MEIKIN: variants seen among roughly 807,000 people sequenced by gnomAD.
The protein encoded by MEIKIN is meiosis-specific kinetochore protein.
At chr5:131,898,786 A>G (rs954437352) in intron 8 of MEIKIN, among the ~76,000 whole-genome samples, 3 of 152,224 alleles carry the variant, frequency 2.0e-5, no homozygotes, top group African/African-American at 2.4e-5. Flanking sequence ...TGGGAAAAGC[A>G]CAGTATTTGG....
At chr5:131,852,233 T>C (rs754331197) in intron 10 of MEIKIN, among the ~76,000 whole-genome samples, 26 of 152,044 alleles carry the variant, frequency 1.7e-4, no homozygotes, top group Non-Finnish European at 2.9e-4. Context: ...CTCCATACTG[T>C]TCTGATGATA....
Position 131,851,268 on chromosome 5 carries a change from T to C in MEIKIN, c.971A>G (p.Asn324Ser). 2.5e-6 allele frequency: 1 copy of C among 398,076 alleles called. No individual in the cohort carries two copies. The highest frequency in any genetic ancestry group is 4.4e-6 in the Non-Finnish European group (1 of 225,424). 24.7% of individuals were successfully genotyped at this position (398,076 alleles called of 1,614,324 possible). A position where few individuals can be genotyped will look rare whatever the true frequency, so the allele number is the denominator to read the frequency against. Residue 324 changes from asparagine (N) to serine (S), a missense_variant, in exon 11 of 13, where the codon AAT (asparagine) becomes AGT (serine). Coordinates refer to ENST00000442687, the MANE Select transcript of MEIKIN (RefSeq NM_001303622.2). ...PVSSLQENSS[N>S]EFPANASEIC... is the part of the protein sequence containing the mutation. ...AGGAAAAATGGAAAATACTACCTCA[T>C]TTGAAGAATTTTCCTGCAAACTTGA...
intron 11 of MEIKIN, among the ~76,000 whole-genome samples, chr5:131,830,785 A>G (rs991103238): frequency 1.3e-5 from 2 of 152,254 alleles, no homozygotes; most frequent in Non-Finnish European, 2.9e-5. Flanking sequence ...GTAAGCCACA[A>G]GAGATGAGTG....
chr5:131,821,086 T>C (rs2149603294), intron 11 of MEIKIN, among the ~76,000 whole-genome samples: 1 of 152,310 alleles, frequency 6.6e-6, no homozygotes, highest in East Asian at 1.9e-4. Flanking sequence ...TTAAGATGCG[T>C]CATTAGATTG....
At chr5:131,925,973 T>G (rs1369140823) in intron 5 of MEIKIN, among the ~76,000 whole-genome samples, 1 of 152,160 alleles carries the variant, frequency 6.6e-6, no homozygotes, top group Non-Finnish European at 1.5e-5. Flanking sequence ...AGCCTTGTGG[T>G]GTCTTTAGAG....
intron 8 of MEIKIN, 100 bp downstream of exon 8, chr5:131,911,715 T>G: frequency 2.6e-6 from 1 of 387,976 alleles, no homozygotes; most frequent in Admixed American, 4.4e-5. Context: ...CTACTAACTT[T>G]GTTAATGCAT....
In MEIKIN at chr5:131,945,659, G is replaced by A. The variant is rs1751953620; in HGVS notation, c.-154C>T. Reference sequence around the variant, plus strand: ...TAATCGAGCGAAAGCAAAAGCCCCAGAACTGGAGCCGCCGGGCCTCGCTCC... The same window carrying A: ...TAATCGAGCGAAAGCAAAAGCCCCAAAACTGGAGCCGCCGGGCCTCGCTCC... On this transcript the variant is annotated 5_prime_UTR_variant, in exon 1 of 13. Coordinates refer to ENST00000442687, the MANE Select transcript of MEIKIN (RefSeq NM_001303622.2). 2.5e-6 allele frequency: 1 copy of A among 394,008 alleles called. No individual in the cohort carries two copies. Among genetic ancestry groups the A allele is most frequent in the Non-Finnish European group, 4.5e-6 (1 of 223,384 alleles). 24.4% of individuals were successfully genotyped at this position (394,008 alleles called of 1,614,324 possible).
rs139772246 is a variant in MEIKIN at position 131,822,869 on chromosome 5, G to A, written c.976-4006C>T. On this transcript the variant is annotated intron_variant, in intron 11 of 12. Coordinates refer to ENST00000442687, the MANE Select transcript of MEIKIN (RefSeq NM_001303622.2). ...GCATTTCCTATAGGACAAGCCGGGT[G>A]TTGATGAAATCCCTCAGCTTTTATT... is the stretch of plus-strand genomic sequence containing the variant. 1.7e-4 allele frequency among the ~76,000 whole-genome samples: 26 copies of A among 149,392 alleles called. No individual in the cohort carries two copies. In the East Asian group the frequency reaches 4.9e-3, roughly 28 times the overall value.
At chr5:131,908,542 C>T (rs908132751) in intron 8 of MEIKIN, among the ~76,000 whole-genome samples, 1 of 152,078 alleles carries the variant, frequency 6.6e-6, no homozygotes, top group African/African-American at 2.4e-5. Context: ...TCACTTTCAC[C>T]ATTATTATTC....
chr5:131,877,867 ACAAT>A (rs1469344451), intron 9 of MEIKIN, among the ~76,000 whole-genome samples: 2 of 152,216 alleles, frequency 1.3e-5, no homozygotes, highest in Non-Finnish European at 2.9e-5. Context: ...CTGGAAATAA[ACAAT>A]CTGTAAGTTT....
chr5:131,851,472 A>G, intron 10 of MEIKIN, 89 bp from the exon 11 acceptor site: 1 of 392,354 alleles, frequency 2.5e-6, no homozygotes, highest in African/African-American at 2.1e-5. Flanking sequence ...GAAAAATACC[A>G]TCTCATTGGA....
intron 9 of MEIKIN, among the ~76,000 whole-genome samples, chr5:131,875,039 A>G (rs1308581816): frequency 2.0e-5 from 3 of 151,152 alleles, no homozygotes; most frequent in Admixed American, 6.6e-5. Flanking sequence ...CCAATATCAT[A>G]CTGAATGGCC....
intron 8 of MEIKIN, among the ~76,000 whole-genome samples, chr5:131,898,241 A>C (rs947143542): frequency 7.2e-5 from 11 of 152,314 alleles, no homozygotes; most frequent in Non-Finnish European, 1.5e-4. Flanking sequence ...AGATGCTGCA[A>C]AACAGCAAAT....
intron 7 of MEIKIN, among the ~76,000 whole-genome samples, chr5:131,912,332 G>T (rs1178995780): frequency 1.3e-5 from 2 of 151,286 alleles, no homozygotes; most frequent in African/African-American, 4.8e-5. Context: ...TATTGAGAGA[G>T]GGTCTTGCTC....
intron 12 of MEIKIN, among the ~76,000 whole-genome samples, chr5:131,808,663 T>A (rs1772892909): frequency 6.6e-6 from 1 of 152,230 alleles, no homozygotes; most frequent in Non-Finnish European, 1.5e-5. Context: ...GCTCAGATAC[T>A]TATTTTTTCA....
At chr5:131,902,391 T>C (rs971980078) in intron 8 of MEIKIN, among the ~76,000 whole-genome samples, 2 of 151,854 alleles carry the variant, frequency 1.3e-5, no homozygotes, top group Non-Finnish European at 2.9e-5. Context: ...CAAGATGGTG[T>C]CACTGCACTC....
At chr5:131,924,125 T>A (rs904503554) in intron 5 of MEIKIN, among the ~76,000 whole-genome samples, 3 of 152,112 alleles carry the variant, frequency 2.0e-5, no homozygotes, top group Non-Finnish European at 4.4e-5. Context: ...CATAATGTCC[T>A]CAAGGTTCAT....
Position 131,880,087 on chromosome 5 carries a change from T to C in MEIKIN, c.704-1039A>G, listed in dbSNP as rs1388896586. Among the ~76,000 whole-genome samples, 7 of 151,122 alleles carry C rather than the reference T, an allele frequency of 4.6e-5. No homozygotes were observed. The East Asian group carries it at 1.4e-3, about 29-fold the overall frequency. On this transcript the variant is annotated intron_variant, in intron 8 of 12. Coordinates refer to ENST00000442687, the MANE Select transcript of MEIKIN (RefSeq NM_001303622.2). The stretch of plus-strand genomic sequence containing the variant: ...GGCACACACCACCACGCCCAGCTAA[T>C]ATATATACAATTTTTTTTGAGACGG...
chr5:131,906,138 A>G (rs1436217466), intron 8 of MEIKIN, among the ~76,000 whole-genome samples: 1 of 152,242 alleles, frequency 6.6e-6, no homozygotes, highest in Admixed American at 6.5e-5. Flanking sequence ...ACAAAGGTCT[A>G]ATATCAGAAT....
Sources: gnomAD v4.1 joint callset for allele counts (sites outside exome capture counted in the v4.1 genomes callset) on GRCh38, gnomAD v4.1.1 for gene constraint, MANE v1.5 for transcripts, NCBI Gene and HGNC (gene_info 2026-07-23, HGNC 2026-07-21) for gene names.